Variants in EMC3 observed in about 807,000 individuals in gnomAD.
The protein encoded by EMC3 is 30 kDa protein.
A neutral mutation model predicts 36.6 loss-of-function variants in EMC3; 13 were observed. That is an observed-to-expected ratio of 0.35 (90% confidence interval 0.23 to 0.56). EMC3 has a LOEUF of 0.56. Ranked by LOEUF, EMC3 falls within the 20% of genes least tolerant of loss-of-function variation. The pLI is 0.84. For synonymous variants in EMC3, 120 were observed against 111.9 expected (o/e 1.07, Z -0.46); for missense variants, 220 against 324.5 (o/e 0.68, Z 2.47).
chr3:9,990,012 A>C (rs568263157), upstream of EMC3, among the ~76,000 whole-genome samples: 8 of 137,602 alleles, frequency 5.8e-5, no homozygotes, highest in East Asian at 1.4e-3. Flanking sequence ...CCCTGAATAC[A>C]CTCCCAGTGT....
At chr3:9,982,357 G>A (rs1254981699) in intron 1 of EMC3, among the ~76,000 whole-genome samples, 1 of 152,052 alleles carries the variant, frequency 6.6e-6, no homozygotes, top group East Asian at 1.9e-4. Flanking sequence ...CAGTTCAAGC[G>A]ATTCTCCTGC....
intron 3 of EMC3, among the ~76,000 whole-genome samples, chr3:9,976,146 G>A (rs779079109): frequency 3.3e-5 from 5 of 151,768 alleles, no homozygotes; most frequent in Non-Finnish European, 5.9e-5. Flanking sequence ...TTGCTCTGTC[G>A]CCCAGGCTGG....
At chr3:10,008,029 G>T (rs544595596) in intron 1 of EMC3, among the ~76,000 whole-genome samples, 1 of 152,256 alleles carries the variant, frequency 6.6e-6, no homozygotes, top group Admixed American at 6.5e-5. Flanking sequence ...CCACATTGGG[G>T]ATGAAGGTCC....
chr3:9,989,776 A>G (rs2086024222), upstream of EMC3, among the ~76,000 whole-genome samples: 1 of 152,148 alleles, frequency 6.6e-6, no homozygotes, highest in South Asian at 2.1e-4. Context: ...AAATATAAAT[A>G]TAATTTGTAT....
chr3:9,977,299 A>G (rs2085860333), intron 2 of EMC3, 90 bp downstream of exon 2: 1 of 1,264,346 alleles, frequency 7.9e-7, no homozygotes, highest in Non-Finnish European at 1.1e-6. Flanking sequence ...GCCAACCTTT[A>G]GCTTTCCCCA....
At chr3:9,986,891 G>A (rs1281001866), upstream of EMC3, 7 of 1,331,902 alleles carry the variant, frequency 5.3e-6, no homozygotes, top group Admixed American at 1.3e-4. Context: ...TGGCGTCAGA[G>A]CGGCGTCGGG....
At chr3:10,010,529 C>CACTT (rs2086312633) in intron 1 of EMC3, 1 of 152,658 alleles carries the variant, frequency 6.6e-6, no homozygotes, top group Admixed American at 6.5e-5. Flanking sequence ...CTTCCACCAT[C>CACTT]ACTTTTCCTG....
At chr3:9,998,559 A>C (rs2124934048) in intron 1 of EMC3, among the ~76,000 whole-genome samples, 1 of 151,778 alleles carries the variant, frequency 6.6e-6, no homozygotes, top group South Asian at 2.1e-4. Flanking sequence ...CCTCTTGAGT[A>C]CCTGGGTCTA....
intron 1 of EMC3, among the ~76,000 whole-genome samples, chr3:9,980,554 G>GTTTTTTTTTTTTTTT (rs71052282): frequency 7.6e-6 from 1 of 130,916 alleles, no homozygotes. Context: ...TGTTTTTTTT[G>GTTTTTTTTTTTTTTT]TTTTTTTTTT....
chr3:9,965,919 A>G (rs1161704527), intron 7 of EMC3, among the ~76,000 whole-genome samples: 1 of 152,214 alleles, frequency 6.6e-6, no homozygotes, highest in Admixed American at 6.5e-5. Flanking sequence ...TCATTAGATG[A>G]TGGACATTTG....
intron 1 of EMC3, among the ~76,000 whole-genome samples, chr3:9,978,646 A>G (rs1286523562): frequency 1.3e-5 from 2 of 152,078 alleles, no homozygotes; most frequent in African/African-American, 4.8e-5. Flanking sequence ...CCTTGCCAAC[A>G]TGATGAAACC....
rs183292152 is a variant in EMC3 at position 10,009,353 on chromosome 3, A to G, written c.-242+1670T>C. Among the ~76,000 whole-genome samples, 450 of 152,322 alleles carry G rather than the reference A, an allele frequency of 3.0e-3. 3 individuals are homozygous for G. Among genetic ancestry groups the G allele is most frequent in the African/African-American group, 0.01 (436 of 41,578 alleles). ...GTGCAACACGGAATGATGAAAATCTAGAAACAGGAATCTCACTCCCGGCCT... is the reference window on the plus strand; with the variant it reads ...GTGCAACACGGAATGATGAAAATCTGGAAACAGGAATCTCACTCCCGGCCT... On this transcript the variant is annotated intron_variant, in intron 1 of 8. Coordinates refer to the EMC3 transcript ENST00000470827.
upstream of EMC3, among the ~76,000 whole-genome samples, chr3:9,990,185 C>T (rs1164566903): frequency 8.7e-5 from 13 of 150,254 alleles, no homozygotes; most frequent in South Asian, 2.1e-4. Flanking sequence ...CCACCACGCC[C>T]GGCTAATTTT....
At position 9,963,477 on chromosome 3, in the gene EMC3, A is replaced by ATATATATATATATATTT. The variant is rs61596273; in HGVS notation, c.*591_*592insAAATATATATATATATA. The ATATATATATATATATTT allele has an allele frequency of 1.1e-5, 1 of 88,926 alleles. No homozygotes were observed. Among genetic ancestry groups the ATATATATATATATATTT allele is most frequent in the Non-Finnish European group, 2.2e-5 (1 of 46,270 alleles). 5.5% of individuals were successfully genotyped at this position (88,926 alleles called of 1,614,324 possible). ...TAGATATATATATATATATATATATATTTTTTTTTTTTTTTCAGATGGAGT... is the reference window on the plus strand; with the variant it reads ...TAGATATATATATATATATATATATATATATATATATATATTTTTTTTTTTTTTTTTTCAGATGGAGT... On this transcript the variant is annotated 3_prime_UTR_variant, in exon 8 of 8. Transcript: ENST00000245046.
intron 1 of EMC3, among the ~76,000 whole-genome samples, chr3:9,986,132 A>C (rs1256709091): frequency 6.6e-6 from 1 of 152,152 alleles, no homozygotes; most frequent in African/African-American, 2.4e-5. Context: ...GATGTTACAA[A>C]GACTAAACGC....
chr3:9,971,632 G>C (rs966788406), intron 5 of EMC3, among the ~76,000 whole-genome samples: 1 of 152,194 alleles, frequency 6.6e-6, no homozygotes, highest in Admixed American at 6.5e-5. Flanking sequence ...GCTGAGAAAA[G>C]ATAAATAAGC....
chr3:9,981,942 A>T (rs1028239961), intron 1 of EMC3, among the ~76,000 whole-genome samples: 4 of 145,208 alleles, frequency 2.8e-5, no homozygotes, highest in Middle Eastern at 7.0e-3. Context: ...AATACCTGTT[A>T]AAAAAAATTT....
chr3:9,978,538 G>A (rs959362798), intron 1 of EMC3, among the ~76,000 whole-genome samples: 28 of 151,862 alleles, frequency 1.8e-4, no homozygotes, highest in African/African-American at 6.3e-4. Context: ...AGTAAAACCT[G>A]TGCTTGGTAG....
Position 9,963,450 on chromosome 3 carries a change from GATAGAT to G in EMC3, c.*613_*618del, listed in dbSNP as rs1234203990. On this transcript the variant is annotated 3_prime_UTR_variant, in exon 8 of 8. Transcript: ENST00000245046. ...CCTTCGAAGACTGGGCTTCTGCTAAGATAGATATATATATATATATATATATATTTT... is the reference window on the plus strand; with the variant it reads ...CCTTCGAAGACTGGGCTTCTGCTAAGATATATATATATATATATATATTTT... 1.3e-5 allele frequency: 1 copy of G among 77,680 alleles called. No individual in the cohort carries two copies. Among genetic ancestry groups the G allele is most frequent in the Non-Finnish European group, 2.5e-5 (1 of 40,610 alleles). The allele number at this position is 77,680 out of a possible 1,614,324, so 4.8% of individuals were successfully genotyped here.
Sources: allele counts gnomAD v4.1 joint callset (sites outside exome capture counted in the v4.1 genomes callset), GRCh38; gene constraint gnomAD v4.1.1; transcripts MANE v1.5; gene names NCBI Gene and HGNC (gene_info 2026-07-23, HGNC 2026-07-21).